ATP10B: variants seen among roughly 807,000 people sequenced by gnomAD.
The protein encoded by ATP10B is phospholipid-transporting ATPase VB.
A neutral mutation model predicts 141.2 loss-of-function variants in ATP10B; 122 were observed. The ratio of observed to expected loss-of-function variants is 0.86; its 90% CI spans 0.75 to 1.00. ATP10B has a LOEUF of 1.00. ATP10B is among the 50% of genes least tolerant of loss of function. The pLI, the probability that ATP10B is intolerant of heterozygous loss-of-function variation, is 0.00. For synonymous variants in ATP10B, 685 were observed against 692.0 expected, an observed-to-expected ratio of 0.99 and a Z score of 0.16; for missense variants, 1,876 against 1,825.3, an observed-to-expected ratio of 1.03 and a Z score of -0.51.
chr5:160,626,923 C>T (rs139717333), intron 13 of ATP10B, among the ~76,000 whole-genome samples: 260 of 152,272 alleles, frequency 1.7e-3, no homozygotes, highest in Non-Finnish European at 2.9e-3. Context: ...CTACAGGAAT[C>T]CAGAGAAGGA....
chr5:160,700,932 C>A (rs1764633673), intron 3 of ATP10B, among the ~76,000 whole-genome samples: 1 of 152,108 alleles, frequency 6.6e-6, no homozygotes, highest in Non-Finnish European at 1.5e-5. Context: ...CTTTCGGTTG[C>A]CCAAGACTTT....
chr5:160,865,254 C>G, the ATP10B span, among the ~76,000 whole-genome samples: 3 of 152,026 alleles, frequency 2.0e-5, no homozygotes, highest in Non-Finnish European at 4.4e-5. Flanking sequence ...GAATAGAGAA[C>G]CCAGAAATAA....
chr5:160,855,603 C>G (rs992174215), upstream of ATP10B, among the ~76,000 whole-genome samples: 5 of 151,650 alleles, frequency 3.3e-5, no homozygotes, highest in Non-Finnish European at 7.4e-5. Context: ...TTACACAGAT[C>G]AAAAGGTTTA....
chr5:160,591,983 G>T (rs980382396), intron 22 of ATP10B, among the ~76,000 whole-genome samples: 4 of 152,144 alleles, frequency 2.6e-5, no homozygotes, highest in African/African-American at 9.7e-5. Flanking sequence ...TCCTCCAGGT[G>T]CAAGACACTC....
intron 1 of ATP10B, among the ~76,000 whole-genome samples, chr5:160,828,108 T>C (rs1414890173): frequency 6.6e-6 from 1 of 152,118 alleles, no homozygotes; most frequent in Non-Finnish European, 1.5e-5. Context: ...ATAAAAACCC[T>C]AGAAGAAAAC....
intron 7 of ATP10B, among the ~76,000 whole-genome samples, chr5:160,663,160 G>A (rs1762062074): frequency 6.6e-6 from 1 of 152,112 alleles, no homozygotes; most frequent in Non-Finnish European, 1.5e-5. Context: ...AGAGGATGTG[G>A]AGAAATAGGA....
chr5:160,878,114 A>G, the ATP10B span, among the ~76,000 whole-genome samples: 3,849 of 148,802 alleles, frequency 0.026, 111 homozygotes, highest in East Asian at 0.15. Flanking sequence ...GAGGCATCAC[A>G]CTACCTGACT....
chr5:160,916,450 A>G, the ATP10B span, among the ~76,000 whole-genome samples: 1 of 151,870 alleles, frequency 6.6e-6, no homozygotes, highest in Admixed American at 6.5e-5. Flanking sequence ...TAACAGATTT[A>G]CTGGGGTCCA....
intron 24 of ATP10B, among the ~76,000 whole-genome samples, chr5:160,573,400 G>A (rs1424348573): frequency 6.6e-6 from 1 of 152,190 alleles, no homozygotes; most frequent in Non-Finnish European, 1.5e-5. Context: ...AGCCTGAGAA[G>A]ACGCAGACAA....
chr5:160,640,277 A>G (rs186550328), intron 10 of ATP10B, among the ~76,000 whole-genome samples, 184 bp downstream of exon 10: 2 of 152,352 alleles, frequency 1.3e-5, no homozygotes, highest in African/African-American at 4.8e-5. Context: ...TATTCTGAAT[A>G]GTTAAAGAAC....
chr5:160,786,140 G>A (rs1314342767), intron 1 of ATP10B, among the ~76,000 whole-genome samples: 4 of 152,162 alleles, frequency 2.6e-5, no homozygotes, highest in African/African-American at 9.7e-5. Flanking sequence ...TTTCAGAATG[G>A]ATATGGGATT....
chr5:160,825,045 C>A (rs551965032), intron 1 of ATP10B, among the ~76,000 whole-genome samples: 4 of 152,198 alleles, frequency 2.6e-5, no homozygotes, highest in East Asian at 3.9e-4. Flanking sequence ...TTTAATTCAC[C>A]TTTTTGTTTA....
intron 13 of ATP10B, among the ~76,000 whole-genome samples, chr5:160,625,890 T>C (rs1758583952): frequency 6.6e-6 from 1 of 152,194 alleles, no homozygotes; most frequent in Non-Finnish European, 1.5e-5. Context: ...AACTACTCTT[T>C]TATATATTCC....
intron 1 of ATP10B, among the ~76,000 whole-genome samples, chr5:160,829,158 G>GT (rs982067814): frequency 7.9e-5 from 12 of 151,926 alleles, no homozygotes; most frequent in African/African-American, 2.4e-4. Context: ...GTATACATAT[G>GT]TAACTAACCT....
intron 1 of ATP10B, among the ~76,000 whole-genome samples, chr5:160,788,125 G>A (rs1440451885): frequency 2.0e-5 from 3 of 152,150 alleles, no homozygotes; most frequent in Non-Finnish European, 4.4e-5. Context: ...CCAGTGAGAT[G>A]ACCTCTAGAA....
the ATP10B span, among the ~76,000 whole-genome samples, chr5:160,873,701 G>A: frequency 6.6e-6 from 1 of 152,360 alleles, no homozygotes; most frequent in African/African-American, 2.4e-5. Flanking sequence ...CCAAAGCAGG[G>A]CGAGGCACTG....
chr5:160,856,621 T>C (rs1263959670), upstream of ATP10B, among the ~76,000 whole-genome samples: 3 of 151,820 alleles, frequency 2.0e-5, no homozygotes, highest in African/African-American at 4.8e-5. Flanking sequence ...CACTAATAAG[T>C]ATAATGTTAG....
intron 11 of ATP10B, among the ~76,000 whole-genome samples, chr5:160,635,435 T>G (rs1759293808): frequency 6.6e-6 from 1 of 152,154 alleles, no homozygotes; most frequent in Non-Finnish European, 1.5e-5. Context: ...GACTTTGGAT[T>G]CCACTTTGAG....
rs116209382 is a variant in ATP10B at position 160,794,747 on chromosome 5, A to G, written c.-575-8944T>C. ...ATGCCTTCTCCAGCCTCTTTGCCCA[A>G]TGGATTCCTTCAAGTCTCATCTAAA... On this transcript the variant is annotated intron_variant, in intron 1 of 25. Coordinates refer to ENST00000327245, the MANE Select transcript of ATP10B (RefSeq NM_025153.3). Among the ~76,000 whole-genome samples, 719 of 152,302 alleles carry G rather than the reference A, an allele frequency of 4.7e-3. 2 individuals are homozygous for G. The highest frequency in any genetic ancestry group is 6.6e-3 in the Non-Finnish European group (448 of 68,024).
Sources: allele counts gnomAD v4.1 joint callset (sites outside exome capture counted in the v4.1 genomes callset), GRCh38; gene constraint gnomAD v4.1.1; transcripts MANE v1.5; gene names NCBI Gene and HGNC (gene_info 2026-07-23, HGNC 2026-07-21).